The following STAB1 variants were observed in gnomAD, a reference collection of about 807,000 sequenced individuals.
STAB1 encodes the protein stabilin 1.
In STAB1, 250 loss-of-function variants were observed where a neutral mutation model predicts 332.4. That is an observed-to-expected ratio of 0.75 (90% CI 0.68 to 0.84). The LOEUF is 0.84. Ranked by LOEUF, STAB1 falls within the 40% of genes least tolerant of loss-of-function variation. The pLI, the probability that STAB1 is intolerant of heterozygous loss-of-function variation, is 0.00. For synonymous variants in STAB1, 1,475 were observed against 1,390.4 expected, an observed-to-expected ratio of 1.06 and a Z score of -1.35; for missense variants, 3,249 against 3,489.7, an observed-to-expected ratio of 0.93 and a Z score of 1.74.
rs568232580 is a variant in STAB1 at position 52,519,255 on chromosome 3, C to G, written c.5035-9C>G. 2 of 1,608,902 alleles carry G rather than the reference C, an allele frequency of 1.2e-6. No homozygotes were observed. Among genetic ancestry groups the G allele is most frequent in the Non-Finnish European group, 1.7e-6 (2 of 1,177,544 alleles). ...TATCTGCTTCATCAGCCCCGTGCCC[C>G]GCCCCCAGGGCAGCATATACCTCAA... is the stretch of plus-strand genomic sequence containing the variant. On this transcript the variant is annotated splice_polypyrimidine_tract_variant and intron_variant, in intron 48 of 68. Transcript: ENST00000321725.
rs532862411 is a variant in STAB1, at chr3:52,508,112, C to T, written c.2148+86C>T. The T allele has an allele frequency of 2.3e-4, 326 of 1,430,220 alleles. No individual in the cohort carries two copies. In the African/African-American group the frequency reaches 3.8e-3, roughly 17 times the overall value. The allele number at this position is 1,430,220 out of a possible 1,614,324, so 88.6% of individuals were successfully genotyped here. ...CCCCCAAGCTGGGGCTGAGTGGGCT[C>T]CCTCCCTCAGAGGATGCACTGCAGC... On this transcript the variant is annotated intron_variant, in intron 20 of 68. Transcript: ENST00000321725.
intron 2 of STAB1, 83 bp from the exon 3 acceptor site, chr3:52,501,554 AG>A: frequency 3.8e-6 from 5 of 1,312,446 alleles, no homozygotes; most frequent in Non-Finnish European, 5.3e-6. Flanking sequence ...GGTGGGTGGG[AG>A]CCCCGGAAGC....
rs374981746 is a variant in STAB1, at chr3:52,505,793, G to A, written c.1695+12G>A. On this transcript the variant is annotated intron_variant, in intron 15 of 68. Coordinates refer to ENST00000321725, the MANE Select transcript of STAB1 (RefSeq NM_015136.3). ...ACCTCTTCACAGCGGTAAGCTCAGC[G>A]GGAGAAGGGGCTGCGGGTATGGGGG... 12 of 1,613,720 alleles carry A rather than the reference G, an allele frequency of 7.4e-6. No homozygotes were observed. Among genetic ancestry groups the A allele is most frequent in the South Asian group, 1.1e-5 (1 of 91,086 alleles).
At position 52,506,258 on chromosome 3, in the gene STAB1, G is replaced by T; in HGVS notation, c.1830+8G>T. ...GTGAACATTTCTGAGGAGGTGAGGT[G>T]CACGGACACCTGGGCGGATGGTGGG... On this transcript the variant is annotated splice_region_variant and intron_variant, in intron 17 of 68. Coordinates refer to ENST00000321725, the MANE Select transcript of STAB1 (RefSeq NM_015136.3). 6.2e-7 allele frequency: 1 copy of T among 1,609,332 alleles called. No individual in the cohort carries two copies. Among genetic ancestry groups the T allele is most frequent in the Non-Finnish European group, 8.5e-7 (1 of 1,177,874 alleles).
intron 6 of STAB1, 94 bp from the exon 7 acceptor site, chr3:52,502,905 C>T: frequency 7.7e-7 from 1 of 1,300,664 alleles, no homozygotes; most frequent in Non-Finnish European, 1.0e-6. Flanking sequence ...CAGGGCCCTG[C>T]TCCAAGTCAC....
chr3:52,519,159 C>T, intron 48 of STAB1, 105 bp from the exon 49 acceptor site: 2 of 1,468,202 alleles, frequency 1.4e-6, no homozygotes, highest in Non-Finnish European at 1.8e-6. Flanking sequence ...ACCGGGACTG[C>T]CTGCACCCTG....
chr3:52,496,787 C>T (rs1176585184), intron 1 of STAB1, among the ~76,000 whole-genome samples: 1 of 152,176 alleles, frequency 6.6e-6, no homozygotes, highest in Non-Finnish European at 1.5e-5. Context: ...TTTTCCTTGT[C>T]AGAGACCTAT....
At chr3:52,515,591 A>T in intron 37 of STAB1, 85 bp downstream of exon 37, 1 of 1,428,016 alleles carries the variant, frequency 7.0e-7, no homozygotes, top group Non-Finnish European at 9.7e-7. Flanking sequence ...CCCAGTTTGG[A>T]TCTTAAGGAC....
chr3:52,515,336 C>T (rs1341415640), intron 36 of STAB1, 87 bp from the exon 37 acceptor site: 5 of 1,297,178 alleles, frequency 3.9e-6, no homozygotes, highest in Non-Finnish European at 5.5e-6. Flanking sequence ...TGCCTGACAC[C>T]TGTAGTCCAT....
Position 52,522,340 on chromosome 3 carries a change from G to T in STAB1, c.6476G>T (p.Arg2159Leu), listed in dbSNP as rs375503669. Residue 2159 changes from arginine to leucine, a missense_variant, in exon 60 of 69, where the codon CGC becomes CTC. Transcript: ENST00000321725. ...NCLSTGLNTRRCECHAGYVGD... is the reference protein window; with the variant it reads ...NCLSTGLNTRLCECHAGYVGD... Reference sequence around the variant, plus strand: ...TCTCTCCAACCCCAGAACACACGGCGCTGTGAGTGCCACGCAGGCTACGTA... The same window carrying T: ...TCTCTCCAACCCCAGAACACACGGCTCTGTGAGTGCCACGCAGGCTACGTA... 1 of 1,612,858 alleles carries T rather than the reference G, an allele frequency of 6.2e-7. No homozygotes were observed.
Position 52,501,270 on chromosome 3 carries a change from G to A in STAB1, c.183G>A (p.Arg61=). The A allele has an allele frequency of 1.9e-6, 3 of 1,613,566 alleles. No homozygotes were observed. Among genetic ancestry groups the A allele is most frequent in the South Asian group, 1.1e-5 (1 of 91,088 alleles). ...KKQTCPSGWL[R]ELPDQITQDC... ...AGACGTGTCCCTCAGGCTGGCTGCG[G>A]GAGCTCCCGGATCAGATAACCCAGG... The change falls in exon 2 of 69, where the codon CGG becomes CGA. Residue 61 remains arginine, a synonymous_variant. Coordinates refer to ENST00000321725, the MANE Select transcript of STAB1 (RefSeq NM_015136.3).
In STAB1 at chr3:52,501,268, C is replaced by T. The variant is rs151119695; in HGVS notation, c.181C>T (p.Arg61Trp). 1.4e-5 allele frequency: 23 copies of T among 1,613,410 alleles called. No homozygotes were observed. The highest frequency in any genetic ancestry group is 1.1e-4 in the African/African-American group (8 of 74,954). Residue 61 changes from arginine (R) to tryptophan (W), a missense_variant, in exon 2 of 69, where the codon CGG (arginine) becomes TGG (tryptophan). Transcript: ENST00000321725. ...GCAGACGTGTCCCTCAGGCTGGCTG[C>T]GGGAGCTCCCGGATCAGATAACCCA... ...KKQTCPSGWL[R>W]ELPDQITQDC...
rs755581376 is a variant in STAB1 at position 52,523,103 on chromosome 3, C to T, written c.6989C>T (p.Ala2330Val). 10 of 1,576,294 alleles carry T rather than the reference C, an allele frequency of 6.3e-6. 1 individual carries two copies. The South Asian group carries it at 1.2e-4, about 19-fold the overall frequency. ...TCNGKLLDVL[A>V]ATANFSTFYG... ...AATGGGAAGCTGCTGGATGTGCTGG[C>T]TGCCACTGCCAACTTCTCCACCTTC... is the stretch of plus-strand genomic sequence containing the variant. The change falls in exon 63 of 69, where the codon GCT (alanine) becomes GTT (valine). Residue 2330 changes from alanine (A) to valine (V), a missense_variant. Ala to Val is a moderately conservative substitution (Grantham distance 64). Coordinates refer to ENST00000321725, the MANE Select transcript of STAB1 (RefSeq NM_015136.3).
In STAB1 at chr3:52,503,848, C is replaced by A. The variant is rs763248228; in HGVS notation, c.968C>A (p.Pro323His). The change falls in exon 9 of 69, where the codon CCC becomes CAC. Residue 323 changes from proline to histidine, a missense_variant. By Grantham distance (77) the Pro-to-His change is moderately conservative. Transcript: ENST00000321725. ...GCGGGCTGCTTCGCCTTCTGCTCCC[C>A]CTTCTCCTGCGACCGGTCTGCCACT... is the stretch of plus-strand genomic sequence containing the variant. ...ASAGCFAFCSPFSCDRSATCQ... is the reference protein window; with the variant it reads ...ASAGCFAFCSHFSCDRSATCQ... 1.9e-6 allele frequency: 3 copies of A among 1,613,264 alleles called. No individual in the cohort carries two copies. In the East Asian group the frequency reaches 6.7e-5, roughly 36 times the overall value.
chr3:52,523,809 G>A (rs2079166303), intron 66 of STAB1, 53 bp downstream of exon 66: 1 of 1,584,342 alleles, frequency 6.3e-7, no homozygotes, highest in Non-Finnish European at 8.6e-7. Flanking sequence ...CACAACCTGT[G>A]AGCCCGGGGA....
rs1356812812 is a variant in STAB1 at position 52,506,782 on chromosome 3, C to T, written c.1921C>T (p.Leu641=). 5 of 1,613,100 alleles carry T rather than the reference C, an allele frequency of 3.1e-6. No individual in the cohort carries two copies. Among genetic ancestry groups the T allele is most frequent in the Non-Finnish European group, 4.2e-6 (5 of 1,179,958 alleles). The change falls in exon 18 of 69, where the codon CTG becomes TTG. Residue 641 remains leucine (L), a synonymous_variant. Coordinates refer to ENST00000321725, the MANE Select transcript of STAB1 (RefSeq NM_015136.3). ...NGVIHMLDGI[L]LPPTILPILP... ...TGTGATCCACATGCTGGACGGCATCCTGCTGCCCCCGACCATCCTGCCCAT... is the reference window on the plus strand; with the variant it reads ...TGTGATCCACATGCTGGACGGCATCTTGCTGCCCCCGACCATCCTGCCCAT...
chr3:52,519,228 C>T, intron 48 of STAB1, 36 bp from the exon 49 acceptor site: 2 of 1,597,376 alleles, frequency 1.3e-6, no homozygotes, highest in Non-Finnish European at 1.7e-6. Flanking sequence ...GAGCACCCCA[C>T]CTATCTGCTT....
chr3:52,513,979 C>A lies in STAB1; in HGVS notation c.3445C>A (p.Gln1149Lys). ...CTTCAGCCTCTTCCGGGAATTGCTG[C>A]AGGTACGGAAGGCTGGCAAGAGGGG... The part of the protein sequence containing the change: ...PAFSLFRELL[Q>K]HHGLVPQIEA... Residue 1149 changes from glutamine to lysine, a missense_variant and splice_region_variant, in exon 32 of 69, where the codon CAG (glutamine) becomes AAG (lysine). Transcript: ENST00000321725. 6.3e-7 allele frequency: 1 copy of A among 1,598,880 alleles called. No individual in the cohort carries two copies. Among genetic ancestry groups the A allele is most frequent in the Non-Finnish European group, 8.5e-7 (1 of 1,169,788 alleles).
chr3:52,502,877 C>T (rs1708554366), intron 6 of STAB1, 122 bp from the exon 7 acceptor site: 1 of 1,215,686 alleles, frequency 8.2e-7, no homozygotes, highest in East Asian at 2.6e-5. Flanking sequence ...CCTCCACTGT[C>T]CAGAGGCCCA....
Sources: allele counts gnomAD v4.1 joint callset (sites outside exome capture counted in the v4.1 genomes callset), GRCh38; gene constraint gnomAD v4.1.1; transcripts MANE v1.5; gene names NCBI Gene and HGNC (gene_info 2026-07-23, HGNC 2026-07-21).